The following LSM2 variants were observed in gnomAD, a reference collection of about 807,000 sequenced individuals.
The protein encoded by LSM2 is U6 snRNA-associated Sm-like protein LSm2.
LSM2 carries 12 observed loss-of-function variants against 17.0 expected under a neutral mutation model. The observed-to-expected ratio is 0.70, with a 90% confidence interval of 0.45 to 1.14. LSM2 has a LOEUF of 1.14. LSM2 is among the 50% of genes most tolerant of loss of function. The pLI is 0.00. For synonymous variants in LSM2, 42 were observed against 44.5 expected, an observed-to-expected ratio of 0.94 and a Z score of 0.22; for missense variants, 62 against 111.8, an observed-to-expected ratio of 0.55 and a Z score of 2.01.
intron 2 of LSM2, among the ~76,000 whole-genome samples, chr6:31,802,623 G>A (rs1814785001): frequency 6.8e-6 from 1 of 147,584 alleles, no homozygotes. Flanking sequence ...GAAAAGAAAT[G>A]TTACTACGGC....
chr6:31,799,571 T>C (rs992719645), intron 2 of LSM2, among the ~76,000 whole-genome samples: 3 of 151,790 alleles, frequency 2.0e-5, no homozygotes, highest in African/African-American at 7.3e-5. Context: ...TTAGCCAGGA[T>C]GGTCTCGATC....
intron 3 of LSM2, 23 bp from the exon 4 acceptor site, chr6:31,798,072 A>G (rs1292386137): frequency 6.7e-6 from 10 of 1,495,878 alleles, no homozygotes; most frequent in Non-Finnish European, 8.9e-6. Flanking sequence ...GATGAACACC[A>G]TTATTATTAT....
At chr6:31,806,236 C>A in intron 1 of LSM2, 94 bp from the exon 2 acceptor site, 1 of 1,145,336 alleles carries the variant, frequency 8.7e-7, no homozygotes, top group Admixed American at 1.9e-5. Flanking sequence ...GTATTGTGAA[C>A]CCCACTGCAT....
At chr6:31,801,324 C>T (rs1038274964) in intron 2 of LSM2, among the ~76,000 whole-genome samples, 10 of 152,120 alleles carry the variant, frequency 6.6e-5, no homozygotes, top group African/African-American at 2.4e-4. Context: ...ATCTGAAACC[C>T]ACTGCCTCAG....
Position 31,806,944 on chromosome 6 carries a change from A to G in LSM2, c.-187T>C, listed in dbSNP as rs1815087889. The G allele has an allele frequency of 1.4e-6, 1 of 711,000 alleles. No individual in the cohort carries two copies. The highest frequency in any genetic ancestry group is 1.9e-5 in the African/African-American group (1 of 52,718). 44.0% of individuals were successfully genotyped at this position (711,000 alleles called of 1,614,324 possible). On this transcript the variant is annotated 5_prime_UTR_variant, in exon 1 of 5. Transcript: ENST00000375661. Reference sequence around the variant, plus strand: ...CGGCCGACTTGCGGCTGGGGAGCGCAAGCTGGGTAGAGTAGAGGGGAGGAG... The same window carrying G: ...CGGCCGACTTGCGGCTGGGGAGCGCGAGCTGGGTAGAGTAGAGGGGAGGAG...
In LSM2 at chr6:31,806,765, G is replaced by C; in HGVS notation, c.-8C>G. 6.2e-7 allele frequency: 1 copy of C among 1,609,942 alleles called. No homozygotes were observed. On this transcript the variant is annotated 5_prime_UTR_variant, in exon 1 of 5. Coordinates refer to ENST00000375661, the MANE Select transcript of LSM2 (RefSeq NM_021177.5). ...CGTCACGGTACCCACCATGGTGCTG[G>C]CGCCGCGGGCAGCGGGCCGGACCGG... is the stretch of plus-strand genomic sequence containing the variant.
Position 31,797,594 on chromosome 6 carries a change from C to T in LSM2, c.*163G>A. 2.1e-6 allele frequency: 2 copies of T among 971,592 alleles called. No homozygotes were observed. Among genetic ancestry groups the T allele is most frequent in the South Asian group, 3.2e-5 (2 of 62,778 alleles). The allele number at this position is 971,592 out of a possible 1,614,324, so 60.2% of individuals were successfully genotyped here. A position where few individuals can be genotyped will look rare whatever the true frequency, so the allele number is the denominator to read the frequency against. ...CCCTTCTCAAGAGAGGATAGCTGTT[C>T]CCTATTACTCCTCTCATCCACTCAT... is the stretch of plus-strand genomic sequence containing the variant. On this transcript the variant is annotated 3_prime_UTR_variant, in exon 5 of 5. Transcript: ENST00000375661.
At chr6:31,797,942 G>T (rs1174152144) in intron 4 of LSM2, 48 bp downstream of exon 4, 3 of 1,612,046 alleles carry the variant, frequency 1.9e-6, no homozygotes, top group Non-Finnish European at 2.5e-6. Context: ...CCACCCAGGG[G>T]CCTCCTGCTT....
intron 3 of LSM2, 146 bp from the exon 4 acceptor site, chr6:31,798,195 C>T (rs1359597566): frequency 5.8e-6 from 5 of 869,318 alleles, no homozygotes; most frequent in Non-Finnish European, 8.4e-6. Context: ...GATTTTCCTG[C>T]CTCAGCCTCT....
chr6:31,802,667 C>G (rs1170911999), intron 2 of LSM2, among the ~76,000 whole-genome samples: 3 of 152,070 alleles, frequency 2.0e-5, no homozygotes, highest in Non-Finnish European at 4.4e-5. Flanking sequence ...AATCCCAGTA[C>G]TTTGGGAGGC....
intron 2 of LSM2, among the ~76,000 whole-genome samples, chr6:31,803,117 C>G (rs1468811440): frequency 6.6e-6 from 1 of 152,172 alleles, no homozygotes; most frequent in Non-Finnish European, 1.5e-5. Context: ...ATATCACTTG[C>G]ATTGCCAGTG....
chr6:31,803,620 G>A (rs954301336), intron 2 of LSM2, among the ~76,000 whole-genome samples: 2 of 148,644 alleles, frequency 1.3e-5, no homozygotes, highest in African/African-American at 2.5e-5. Context: ...TCAGTCTGTC[G>A]CCCAGGCTGG....
rs1446074213 is a variant in LSM2, at chr6:31,806,148, G to A, written c.4-6C>T. On this transcript the variant is annotated splice_region_variant and splice_polypyrimidine_tract_variant and intron_variant, in intron 1 of 4. Transcript: ENST00000375661. ...TTGAAAAAAGAATAGAAGAGCTATT[G>A]GGAGAGAGGGGGAAAACCATCATGT... 2 of 1,612,428 alleles carry A rather than the reference G, an allele frequency of 1.2e-6. No homozygotes were observed. Among genetic ancestry groups the A allele is most frequent in the African/African-American group, 1.3e-5 (1 of 74,906 alleles).
intron 3 of LSM2, 35 bp from the exon 4 acceptor site, chr6:31,798,084 A>AT (rs9279422): frequency 0.043 from 51,246 of 1,190,626 alleles, 69 homozygotes; most frequent in South Asian, 0.048. Flanking sequence ...TATTATTATT[A>AT]TTTTTTTTTT....
intron 2 of LSM2, among the ~76,000 whole-genome samples, chr6:31,804,763 CTTT>C (rs9279424): frequency 2.9e-5 from 3 of 104,900 alleles, no homozygotes; most frequent in African/African-American, 1.1e-4. Context: ...TCTTTTTTTT[CTTT>C]TTTTTTTTTT....
intron 1 of LSM2, 79 bp from the exon 2 acceptor site, chr6:31,806,221 T>C: frequency 7.5e-7 from 1 of 1,337,146 alleles, no homozygotes; most frequent in Non-Finnish European, 1.1e-6. Flanking sequence ...TATTACCAAA[T>C]ACTGGTATTG....
At chr6:31,806,722 G>A (rs928073101) in intron 1 of LSM2, 33 bp downstream of exon 1, 2 of 1,608,000 alleles carry the variant, frequency 1.2e-6, no homozygotes, top group African/African-American at 2.7e-5. Context: ...CGAGGTCCCC[G>A]AGGGCGCCCC....
intron 2 of LSM2, among the ~76,000 whole-genome samples, chr6:31,800,275 G>A (rs544158419): frequency 3.3e-5 from 5 of 152,240 alleles, no homozygotes; most frequent in African/African-American, 9.6e-5. Flanking sequence ...GGTGGAGGTT[G>A]TAGTGAGGCG....
At chr6:31,803,081 T>C (rs1031970555) in intron 2 of LSM2, among the ~76,000 whole-genome samples, 2 of 152,200 alleles carry the variant, frequency 1.3e-5, no homozygotes, top group Admixed American at 1.3e-4. Flanking sequence ...CTTGTCTTGC[T>C]CTGTGGCCCC....
Sources: allele counts gnomAD v4.1 joint callset (sites outside exome capture counted in the v4.1 genomes callset), GRCh38; gene constraint gnomAD v4.1.1; transcripts MANE v1.5; gene names NCBI Gene and HGNC (gene_info 2026-07-23, HGNC 2026-07-21).